The following ASB18 variants were observed in gnomAD, a reference collection of about 807,000 sequenced individuals.
ASB18 encodes the protein ankyrin repeat and SOCS box protein 18.
ASB18 carries 33 observed loss-of-function variants against 33.4 expected under a neutral mutation model. That is an observed-to-expected ratio of 0.99 (90% CI 0.75 to 1.32). The LOEUF is 1.32. Ranked by LOEUF, ASB18 falls within the 40% of genes most tolerant of loss-of-function variation. The probability of loss-of-function intolerance (pLI) is 0.00; values close to 1 mark genes in which losing one functional copy is unlikely to be tolerated. For missense variants in ASB18, 694 were observed against 655.5 expected (o/e 1.06, Z -0.64); for synonymous variants, 295 against 307.6 (o/e 0.96, Z 0.43).
rs981784533 is a variant in ASB18 at position 236,256,907 on chromosome 2, G to A, written c.205+7234C>T. Among the ~76,000 whole-genome samples, 9 of 152,114 alleles carry A rather than the reference G, an allele frequency of 5.9e-5. No individual in the cohort carries two copies. The highest frequency in any genetic ancestry group is 8.8e-5 in the Non-Finnish European group (6 of 68,030). ...GGGAAAAAAAAAGAGCCTAGGGTGT[G>A]TGTCTCGTAGAAAGCAAAGAAACAT... On this transcript the variant is annotated intron_variant, in intron 1 of 5. Transcript: ENST00000409749. The surrounding 1 kb of genome is among the most constrained non-coding windows in gnomAD (Gnocchi z 4.7).
rs550332027 is a variant in ASB18, at chr2:236,209,844, G to A, written c.1101+4518C>T. 2.0e-5 allele frequency among the ~76,000 whole-genome samples: 3 copies of A among 152,268 alleles called. No individual in the cohort carries two copies. The highest frequency in any genetic ancestry group is 2.1e-4 in the South Asian group (1 of 4,824). On this transcript the variant is annotated intron_variant, in intron 4 of 5. Transcript: ENST00000409749. This position sits in a 1 kb window ranked among gnomAD's most constrained non-coding sequence, Gnocchi z 4.4. Reference sequence around the variant, plus strand: ...GCCCCCTAGCTGTTTCCTCTCCAACGACTAGCTCATTTTTCCAACTGCACA... The same window carrying A: ...GCCCCCTAGCTGTTTCCTCTCCAACAACTAGCTCATTTTTCCAACTGCACA...
intron 1 of ASB18, among the ~76,000 whole-genome samples, chr2:236,258,354 A>G (rs2060702793): frequency 6.6e-6 from 1 of 152,216 alleles, no homozygotes; most frequent in Non-Finnish European, 1.5e-5. Flanking sequence ...TTTGAAAATG[A>G]GGAAATTAAG....
chr2:236,240,239 C>A (rs566063351), intron 2 of ASB18, among the ~76,000 whole-genome samples: 1 of 152,208 alleles, frequency 6.6e-6, no homozygotes, highest in Admixed American at 6.5e-5. Flanking sequence ...CGACATGCAG[C>A]CCCAACAGGA....
rs1020383697 is a variant in ASB18 at position 236,193,727 on chromosome 2, C to T, written c.*1145G>A. ...AGGAGAATTGCTTGAACCTGGGAGG[C>T]GGAGGTTGCGGTGAGCCAAGATTGC... On this transcript the variant is annotated 3_prime_UTR_variant, in exon 6 of 6. Transcript: ENST00000409749. This position sits in a 1 kb window ranked among gnomAD's most constrained non-coding sequence, Gnocchi z 5.0. Among the ~76,000 whole-genome samples, 4 of 152,104 alleles carry T rather than the reference C, an allele frequency of 2.6e-5. No individual in the cohort carries two copies. The highest frequency in any genetic ancestry group is 1.9e-4 in the East Asian group (1 of 5,168).
rs2060641123 is a variant in ASB18, at chr2:236,245,610, G to A, written c.206-4208C>T. Reference sequence around the variant, plus strand: ...CTCGCTCATCCTCCAACACAGCTTAGCCTCCCTTGACCTCCAAGACCAGTC... The same window carrying A: ...CTCGCTCATCCTCCAACACAGCTTAACCTCCCTTGACCTCCAAGACCAGTC... On this transcript the variant is annotated intron_variant, in intron 1 of 5. Coordinates refer to ENST00000409749, the MANE Select transcript of ASB18 (RefSeq NM_212556.4). The surrounding 1 kb of genome is among the most constrained non-coding windows in gnomAD (Gnocchi z 4.7). Among the ~76,000 whole-genome samples the A allele has an allele frequency of 6.6e-6, 1 of 152,118 alleles. No homozygotes were observed. Among genetic ancestry groups the A allele is most frequent in the African/African-American group, 2.4e-5 (1 of 41,434 alleles).
chr2:236,253,589 T>C lies in ASB18; in HGVS notation c.205+10552A>G, dbSNP rs1329585397. Among the ~76,000 whole-genome samples the C allele has an allele frequency of 6.6e-6, 1 of 151,972 alleles. No individual in the cohort carries two copies. The highest frequency in any genetic ancestry group is 2.4e-5 in the African/African-American group (1 of 41,362). On this transcript the variant is annotated intron_variant, in intron 1 of 5. Coordinates refer to ENST00000409749, the MANE Select transcript of ASB18 (RefSeq NM_212556.4). The surrounding 1 kb of genome is among the most constrained non-coding windows in gnomAD (Gnocchi z 5.4). ...TGTGGTGGGAGATGGGGTCTCACTGTGTTGCCCAGGCTGGTCTCTAACTCC... is the reference window on the plus strand; with the variant it reads ...TGTGGTGGGAGATGGGGTCTCACTGCGTTGCCCAGGCTGGTCTCTAACTCC...
At position 236,241,171 on chromosome 2, in the gene ASB18, G is replaced by A. The variant is rs866154726; in HGVS notation, c.328+109C>T. 5.3e-5 allele frequency: 60 copies of A among 1,127,318 alleles called. No homozygotes were observed. Among genetic ancestry groups the A allele is most frequent in the Non-Finnish European group, 6.4e-5 (49 of 766,764 alleles). The allele number at this position is 1,127,318 out of a possible 1,614,324, so 69.8% of individuals were successfully genotyped here. A position where few individuals can be genotyped will look rare whatever the true frequency, so the allele number is the denominator to read the frequency against. On this transcript the variant is annotated intron_variant, in intron 2 of 5. Transcript: ENST00000409749. The surrounding 1 kb of genome is among the most constrained non-coding windows in gnomAD (Gnocchi z 4.2). ...CATCAGATGTCCTTTTCTTGTGTACGTTAAACCCAGTGCCACTGTGCCCAG... is the reference window on the plus strand; with the variant it reads ...CATCAGATGTCCTTTTCTTGTGTACATTAAACCCAGTGCCACTGTGCCCAG...
rs910433577 is a variant in ASB18 at position 236,204,099 on chromosome 2, T to G, written c.1102-7714A>C. ...GAGTGGGGAGAATCTGGGGATGGAT[T>G]TCCCCCTTCCTGAGCTCTTCGTTAG... On this transcript the variant is annotated intron_variant, in intron 4 of 5. Transcript: ENST00000409749. This position sits in a 1 kb window ranked among gnomAD's most constrained non-coding sequence, Gnocchi z 5.1. Among the ~76,000 whole-genome samples the G allele has an allele frequency of 1.2e-4, 13 of 104,260 alleles. No individual in the cohort carries two copies. Among genetic ancestry groups the G allele is most frequent in the Non-Finnish European group, 2.1e-5 (1 of 46,624 alleles). The allele number at this position is 104,260 out of a possible 152,430, so 68.4% of individuals were successfully genotyped here.
At position 236,235,559 on chromosome 2, in the gene ASB18, CAT is replaced by C. The variant is rs1181162993; in HGVS notation, c.596+2128_596+2129del. 2.0e-5 allele frequency among the ~76,000 whole-genome samples: 3 copies of C among 152,248 alleles called. No individual in the cohort carries two copies. The highest frequency in any genetic ancestry group is 2.9e-5 in the Non-Finnish European group (2 of 68,042). ...AATGAAAATCAAAACTATAACAAGA[CAT>C]GTGTACACACCTATTAGAATGTATA... is the stretch of plus-strand genomic sequence containing the variant. On this transcript the variant is annotated intron_variant, in intron 3 of 5. Coordinates refer to ENST00000409749, the MANE Select transcript of ASB18 (RefSeq NM_212556.4). The surrounding 1 kb of genome is among the most constrained non-coding windows in gnomAD (Gnocchi z 6.2).
chr2:236,196,415 A>T lies in ASB18; in HGVS notation c.1102-30T>A. ...TGGGAAGAGGTGAAAGACGCAGCGTAGGCCGACTGGGTTCTGGGTCTCAGT... is the reference window on the plus strand; with the variant it reads ...TGGGAAGAGGTGAAAGACGCAGCGTTGGCCGACTGGGTTCTGGGTCTCAGT... On this transcript the variant is annotated intron_variant, in intron 4 of 5. Coordinates refer to ENST00000409749, the MANE Select transcript of ASB18 (RefSeq NM_212556.4). This position sits in a 1 kb window ranked among gnomAD's most constrained non-coding sequence, Gnocchi z 5.6. 4 of 1,228,074 alleles carry T rather than the reference A, an allele frequency of 3.3e-6. No individual in the cohort carries two copies. The highest frequency in any genetic ancestry group is 3.5e-6 in the Non-Finnish European group (3 of 854,762). 76.1% of individuals were successfully genotyped at this position (1,228,074 alleles called of 1,614,324 possible).
chr2:236,237,315 A>C lies in ASB18; in HGVS notation c.596+374T>G. ...GTGGCGCCTCCCGCGCGCGCTCGCAATCAAGCGCTAATTAAACCCGCGGGG... is the reference window on the plus strand; with the variant it reads ...GTGGCGCCTCCCGCGCGCGCTCGCACTCAAGCGCTAATTAAACCCGCGGGG... On this transcript the variant is annotated intron_variant, in intron 3 of 5. Transcript: ENST00000409749. The surrounding 1 kb of genome is among the most constrained non-coding windows in gnomAD (Gnocchi z 6.2). Among the ~76,000 whole-genome samples the C allele has an allele frequency of 6.7e-6, 1 of 150,040 alleles. No individual in the cohort carries two copies. The highest frequency in any genetic ancestry group is 2.1e-4 in the South Asian group (1 of 4,776).
At position 236,252,012 on chromosome 2, in the gene ASB18, T is replaced by C. The variant is rs143905584; in HGVS notation, c.206-10610A>G. On this transcript the variant is annotated intron_variant, in intron 1 of 5. Coordinates refer to ENST00000409749, the MANE Select transcript of ASB18 (RefSeq NM_212556.4). The surrounding 1 kb of genome is among the most constrained non-coding windows in gnomAD (Gnocchi z 7.9). ...CTGGCCGGGCATGGTGGCTCATGCC[T>C]GTAATCCCAGCACTTTGGGAGGCTG... Among the ~76,000 whole-genome samples the C allele has an allele frequency of 0.029, 4,444 of 152,222 alleles. 215 individuals carry two copies. Among genetic ancestry groups the C allele is most frequent in the African/African-American group, 0.098 (4,062 of 41,514 alleles).
chr2:236,258,281 G>A (rs889562979), intron 1 of ASB18, among the ~76,000 whole-genome samples: 1 of 152,220 alleles, frequency 6.6e-6, no homozygotes, highest in African/African-American at 2.4e-5. Context: ...CAAGCCATTC[G>A]TCTTAGAACC....
chr2:236,254,586 T>C (rs1467653334), intron 1 of ASB18, among the ~76,000 whole-genome samples: 1 of 152,130 alleles, frequency 6.6e-6, no homozygotes, highest in African/African-American at 2.4e-5. Context: ...TTTAGTTGTG[T>C]ATGTTAAACC....
Position 236,196,320 on chromosome 2 carries a change from G to C in ASB18, c.1167C>G (p.Leu389=), listed in dbSNP as rs1453653955. 1 of 1,566,144 alleles carries C rather than the reference G, an allele frequency of 6.4e-7. No individual in the cohort carries two copies. The highest frequency in any genetic ancestry group is 1.4e-5 in the African/African-American group (1 of 73,594). The part of the protein sequence containing the change: ...IEVLFNSYPQ[L]CLSESWKEVI... Reference sequence around the variant, plus strand: ...CTTCCTTCCAGGACTCTGACAAGCAGAGCTGAGGGTAGGAGTTGAAAAGCA... The same window carrying C: ...CTTCCTTCCAGGACTCTGACAAGCACAGCTGAGGGTAGGAGTTGAAAAGCA... The change falls in exon 5 of 6, where the codon CTC becomes CTG. Residue 389 remains leucine, a synonymous_variant. Coordinates refer to ENST00000409749, the MANE Select transcript of ASB18 (RefSeq NM_212556.4). This position sits in a 1 kb window ranked among gnomAD's most constrained non-coding sequence, Gnocchi z 5.6.
In ASB18 at chr2:236,200,042, G is replaced by A. The variant is rs114726628; in HGVS notation, c.1102-3657C>T. 5.0e-3 allele frequency among the ~76,000 whole-genome samples: 760 copies of A among 152,168 alleles called. 7 individuals carry two copies. The highest frequency in any genetic ancestry group is 0.014 in the South Asian group (68 of 4,822). ...TAGCATTGCATAGATAACAGTCAAG[G>A]TCCATTAGAAAAGAGATGGAGAAGC... On this transcript the variant is annotated intron_variant, in intron 4 of 5. Transcript: ENST00000409749. The surrounding 1 kb of genome is among the most constrained non-coding windows in gnomAD (Gnocchi z 4.2).
At position 236,245,812 on chromosome 2, in the gene ASB18, G is replaced by T. The variant is rs1195038757; in HGVS notation, c.206-4410C>A. Among the ~76,000 whole-genome samples the T allele has an allele frequency of 6.6e-6, 1 of 152,196 alleles. No individual in the cohort carries two copies. Among genetic ancestry groups the T allele is most frequent in the Non-Finnish European group, 1.5e-5 (1 of 68,040 alleles). On this transcript the variant is annotated intron_variant, in intron 1 of 5. Coordinates refer to ENST00000409749, the MANE Select transcript of ASB18 (RefSeq NM_212556.4). This position sits in a 1 kb window ranked among gnomAD's most constrained non-coding sequence, Gnocchi z 4.7. ...GTTCCACACAGAGAAGGTCTTCAAT[G>T]CCAACAGTGAAGAGAACGAATGGAC...
chr2:236,222,655 A>G lies in ASB18; in HGVS notation c.597-7789T>C, dbSNP rs1033140132. 2.6e-5 allele frequency among the ~76,000 whole-genome samples: 4 copies of G among 152,146 alleles called. No individual in the cohort carries two copies. Among genetic ancestry groups the G allele is most frequent in the African/African-American group, 4.8e-5 (2 of 41,430 alleles). ...GTTGGTTCATGGGGGTAGGTCTCTC[A>G]CGAATGGTTTAGTACCATCCCCTTG... On this transcript the variant is annotated intron_variant, in intron 3 of 5. Transcript: ENST00000409749. The surrounding 1 kb of genome is among the most constrained non-coding windows in gnomAD (Gnocchi z 5.5).
chr2:236,219,902 G>C lies in ASB18; in HGVS notation c.597-5036C>G, dbSNP rs60400225. Among the ~76,000 whole-genome samples, 10,236 of 152,180 alleles carry C rather than the reference G, an allele frequency of 0.067. 1,150 individuals are homozygous for C. The highest frequency in any genetic ancestry group is 0.23 in the African/African-American group (9,582 of 41,462). The stretch of plus-strand genomic sequence containing the variant: ...TCTAAGGGTAGAATTCCCATCTGAG[G>C]ATGTCAGAACAACTTTGTCTTTATC... On this transcript the variant is annotated intron_variant, in intron 3 of 5. Transcript: ENST00000409749. This position sits in a 1 kb window ranked among gnomAD's most constrained non-coding sequence, Gnocchi z 6.4.
Sources: allele counts gnomAD v4.1 joint callset (sites outside exome capture counted in the v4.1 genomes callset), GRCh38; gene constraint gnomAD v4.1.1; non-coding constraint Gnocchi (gnomAD v3.1); transcripts MANE v1.5; gene names NCBI Gene and HGNC (gene_info 2026-07-23, HGNC 2026-07-21).